Variants in TBC1D5 observed in about 807,000 individuals in gnomAD.
The protein encoded by TBC1D5 is TBC1 domain family member 5.
TBC1D5 carries 75 observed loss-of-function variants against 100.3 expected under a neutral mutation model. The ratio of observed to expected loss-of-function variants is 0.75; its 90% CI spans 0.62 to 0.91. The LOEUF (loss-of-function observed/expected upper bound fraction) is 0.91. Among genes scored for constraint, TBC1D5 ranks in the 40% least tolerant of loss-of-function variants. The probability of loss-of-function intolerance (pLI) is 0.00; values close to 1 mark genes in which losing one functional copy is unlikely to be tolerated. For synonymous variants in TBC1D5, 323 were observed against 325.6 expected (o/e 0.99, Z 0.09); for missense variants, 910 against 942.4 (o/e 0.97, Z 0.45).
intron 16 of TBC1D5, among the ~76,000 whole-genome samples, chr3:17,248,341 T>C (rs1012108001): frequency 6.6e-6 from 1 of 152,228 alleles, no homozygotes; most frequent in Non-Finnish European, 1.5e-5. Flanking sequence ...AATCAACTTC[T>C]TCTAAAATCA....
chr3:17,657,149 C>A (rs2066150903), intron 1 of TBC1D5, among the ~76,000 whole-genome samples: 1 of 151,902 alleles, frequency 6.6e-6, no homozygotes, highest in African/African-American at 2.4e-5. Context: ...AACAAACAAA[C>A]AAAAAACCTG....
chr3:17,325,073 T>C (rs2085915191), intron 13 of TBC1D5, among the ~76,000 whole-genome samples: 1 of 148,596 alleles, frequency 6.7e-6, no homozygotes, highest in Admixed American at 6.6e-5. Context: ...GTTGAACATA[T>C]ATTTTATCAA....
At chr3:17,353,845 T>G (rs2090912810) in intron 13 of TBC1D5, among the ~76,000 whole-genome samples, 1 of 152,084 alleles carries the variant, frequency 6.6e-6, no homozygotes, top group African/African-American at 2.4e-5. Flanking sequence ...CTGAGCTTTG[T>G]AAGCCAAGCT....
At chr3:17,186,710 C>CAAAAAAAAAAAAAAAA (rs58438478) in intron 18 of TBC1D5, among the ~76,000 whole-genome samples, 7 of 27,280 alleles carry the variant, frequency 2.6e-4, no homozygotes, top group South Asian at 5.2e-3. Flanking sequence ...ACTCTATCTC[C>CAAAAAAAAAAAAAAAA]AAAAAAAAAA....
exon 1 of TBC1D5, chr3:17,740,675 C>T (rs1268573333): frequency 1.3e-5 from 2 of 152,166 alleles, no homozygotes; most frequent in South Asian, 4.1e-4. Flanking sequence ...CAATTGTTTG[C>T]AAATTTGCTT....
intron 2 of TBC1D5, among the ~76,000 whole-genome samples, chr3:17,541,363 T>C (rs1411372941): frequency 6.6e-6 from 1 of 152,200 alleles, no homozygotes; most frequent in Non-Finnish European, 1.5e-5. Context: ...TAAATTTATA[T>C]GGTTTATTTC....
intron 3 of TBC1D5, among the ~76,000 whole-genome samples, chr3:17,497,432 T>C (rs956560921): frequency 6.6e-6 from 1 of 152,234 alleles, no homozygotes; most frequent in African/African-American, 2.4e-5. Flanking sequence ...ACAAATATGT[T>C]TGTATAAATG....
intron 2 of TBC1D5, among the ~76,000 whole-genome samples, chr3:17,562,745 C>G (rs1024033805): frequency 6.6e-6 from 1 of 152,142 alleles, no homozygotes; most frequent in Non-Finnish European, 1.5e-5. Flanking sequence ...TCAAGATGCA[C>G]AACATATTCC....
intron 3 of TBC1D5, among the ~76,000 whole-genome samples, chr3:17,456,532 AACAGGCAT>A (rs2095088942): frequency 6.6e-6 from 1 of 152,252 alleles, no homozygotes; most frequent in African/African-American, 2.4e-5. Context: ...AGAAATGGCA[AACAGGCAT>A]ATGAAAAGGT....
chr3:17,624,339 A>G (rs371279206), intron 1 of TBC1D5, among the ~76,000 whole-genome samples: 1 of 152,140 alleles, frequency 6.6e-6, no homozygotes, highest in Non-Finnish European at 1.5e-5. Context: ...ATAATTAAGC[A>G]ATTTTAGAGT....
intron 8 of TBC1D5, among the ~76,000 whole-genome samples, chr3:17,387,854 G>T (rs1303747689): frequency 6.6e-6 from 1 of 151,078 alleles, no homozygotes; most frequent in Non-Finnish European, 1.5e-5. Context: ...AAAATAAAGA[G>T]AGAAATTTAG....
At chr3:17,661,767 G>A (rs1348687147) in intron 1 of TBC1D5, among the ~76,000 whole-genome samples, 1 of 152,056 alleles carries the variant, frequency 6.6e-6, no homozygotes, top group Non-Finnish European at 1.5e-5. Flanking sequence ...CAAAGTGCCG[G>A]GATCACAGGC....
At chr3:17,728,559 T>C (rs2076303962) in intron 1 of TBC1D5, among the ~76,000 whole-genome samples, 1 of 152,164 alleles carries the variant, frequency 6.6e-6, no homozygotes, top group African/African-American at 2.4e-5. Context: ...AAATCCAAGA[T>C]TTCAGAGACA....
rs191209113 is a variant in TBC1D5, at chr3:17,354,000, A to G, written c.995+18075T>C. 3.2e-3 allele frequency among the ~76,000 whole-genome samples: 480 copies of G among 152,230 alleles called. 9 individuals are homozygous for G. The highest frequency in any genetic ancestry group is 8.1e-4 in the Non-Finnish European group (55 of 67,974). On this transcript the variant is annotated intron_variant, in intron 13 of 21. Coordinates refer to ENST00000253692, the Ensembl canonical transcript of TBC1D5. ...TTCTATCAGACAGTACATACTGATG[A>G]TTTTTCATCTAAAATAACAAAATTG...
At chr3:17,391,404 C>G (rs1168846455) in intron 8 of TBC1D5, among the ~76,000 whole-genome samples, 2 of 152,042 alleles carry the variant, frequency 1.3e-5, no homozygotes, top group African/African-American at 4.8e-5. Flanking sequence ...ATGAAACACT[C>G]CTAAGCCAGA....
At chr3:17,563,822 G>T (rs927243655) in intron 2 of TBC1D5, among the ~76,000 whole-genome samples, 1 of 151,886 alleles carries the variant, frequency 6.6e-6, no homozygotes, top group African/African-American at 2.4e-5. Context: ...TCCCTCTGTT[G>T]CCCAGGCTGG....
intron 1 of TBC1D5, among the ~76,000 whole-genome samples, chr3:17,644,513 C>A (rs1040332058): frequency 3.3e-5 from 5 of 152,114 alleles, no homozygotes; most frequent in African/African-American, 1.2e-4. Context: ...TGGCACATAA[C>A]AAATATTAAT....
At chr3:17,523,758 T>C (rs2096091916) in intron 2 of TBC1D5, among the ~76,000 whole-genome samples, 1 of 152,200 alleles carries the variant, frequency 6.6e-6, no homozygotes, top group Admixed American at 6.5e-5. Flanking sequence ...ACATATATCA[T>C]GCATTCTCAA....
Position 17,214,378 on chromosome 3 carries a change from A to G in TBC1D5, c.1589-8T>C, listed in dbSNP as rs1418278193. On this transcript the variant is annotated splice_polypyrimidine_tract_variant and splice_region_variant and intron_variant, in intron 17 of 21. Coordinates refer to ENST00000253692, the Ensembl canonical transcript of TBC1D5. ...TGTTTTTAGAACTTAGCCCTGTAAG[A>G]AAAATTAAGTAGCAATAATGAAACA... is the stretch of plus-strand genomic sequence containing the variant. 1 of 1,608,386 alleles carries G rather than the reference A, an allele frequency of 6.2e-7. No individual in the cohort carries two copies. The highest frequency in any genetic ancestry group is 1.1e-5 in the South Asian group (1 of 89,378).
Sources: allele counts gnomAD v4.1 joint callset (sites outside exome capture counted in the v4.1 genomes callset), GRCh38; gene constraint gnomAD v4.1.1; transcripts MANE v1.5; gene names NCBI Gene and HGNC (gene_info 2026-07-23, HGNC 2026-07-21).